The following CLN8 variants were observed in gnomAD, a reference collection of about 807,000 sequenced individuals.
CLN8 encodes CLN8 transmembrane ER and ERGIC protein.
A neutral mutation model predicts 15.7 loss-of-function variants in CLN8; 14 were observed. The observed-to-expected ratio is 0.89, with a 90% CI of 0.59 to 1.39. The LOEUF (loss-of-function observed/expected upper bound fraction) is 1.39. Among genes scored for constraint, CLN8 ranks in the 40% most tolerant of loss-of-function variants. CLN8 has a pLI of 0.00. For missense variants in CLN8, 415 were observed against 364.0 expected (o/e 1.14, Z -1.14); for synonymous variants, 188 against 151.0 (o/e 1.25, Z -1.80).
At chr8:1,774,611 G>T (rs745792831) in intron 2 of CLN8, among the ~76,000 whole-genome samples, 1 of 152,192 alleles carries the variant, frequency 6.6e-6, no homozygotes, top group African/African-American at 2.4e-5. Context: ...GTCAAGCACA[G>T]TGGCTTATTC....
In CLN8 at chr8:1,780,823, G is replaced by C; in HGVS notation, c.*256G>C. 1.8e-6 allele frequency: 1 copy of C among 558,430 alleles called. No homozygotes were observed. The highest frequency in any genetic ancestry group is 2.3e-5 in the South Asian group (1 of 44,326). The allele number at this position is 558,430 out of a possible 1,614,324, so 34.6% of individuals were successfully genotyped here. A position where few individuals can be genotyped will look rare whatever the true frequency, so the allele number is the denominator to read the frequency against. ...ACCGTGTCAAGCATCTAGGAGAGGAGTCCATGGTGTCCAGGCATCGGGGCG... is the reference window on the plus strand; with the variant it reads ...ACCGTGTCAAGCATCTAGGAGAGGACTCCATGGTGTCCAGGCATCGGGGCG... On this transcript the variant is annotated 3_prime_UTR_variant, in exon 3 of 3. Transcript: ENST00000331222.
chr8:1,778,181 C>G (rs997498535), intron 2 of CLN8, among the ~76,000 whole-genome samples: 1 of 152,180 alleles, frequency 6.6e-6, no homozygotes, highest in Non-Finnish European at 1.5e-5. Context: ...GTTTACCACC[C>G]AGACAAGGAT....
In CLN8 at chr8:1,771,127, T is replaced by C. The variant is rs750647318; in HGVS notation, c.73T>C (p.Ser25Pro). 6.2e-7 allele frequency: 1 copy of C among 1,613,904 alleles called. No homozygotes were observed. The highest frequency in any genetic ancestry group is 8.5e-7 in the Non-Finnish European group (1 of 1,180,008). Residue 25 changes from serine to proline, a missense_variant, in exon 2 of 3, where the codon TCC (serine) becomes CCC (proline). Coordinates refer to ENST00000331222, the MANE Select transcript of CLN8 (RefSeq NM_018941.4). ...GGACTATGCATCCTGGGGGATCCGC[T>C]CCACGCTGATGGTCGCTGGCTTTGT... The part of the protein sequence containing the change: ...DLDYASWGIR[S>P]TLMVAGFVFY...
intron 2 of CLN8, among the ~76,000 whole-genome samples, chr8:1,774,915 A>G (rs1471087722): frequency 2.0e-5 from 3 of 152,310 alleles, no homozygotes; most frequent in South Asian, 2.1e-4. Flanking sequence ...TGGGAGTTCA[A>G]GGTTACAGTG....
Position 1,771,336 on chromosome 8 carries a change from C to T in CLN8, c.282C>T (p.Asp94=). 1 of 1,614,218 alleles carries T rather than the reference C, an allele frequency of 6.2e-7. No individual in the cohort carries two copies. Among genetic ancestry groups the T allele is most frequent in the Non-Finnish European group, 8.5e-7 (1 of 1,180,046 alleles). Reference sequence around the variant, plus strand: ...TGGGGGACCCTGTGCTGCATGCCGACAAGGCGCGTGGCCAGCAGAACTGGT... The same window carrying T: ...TGGGGGACCCTGTGCTGCATGCCGATAAGGCGCGTGGCCAGCAGAACTGGT... ...ALLGDPVLHA[D]KARGQQNWCW... Residue 94 remains aspartate, a synonymous_variant, in exon 2 of 3, where the codon GAC becomes GAT. Coordinates refer to ENST00000331222, the MANE Select transcript of CLN8 (RefSeq NM_018941.4).
chr8:1,755,499 C>G (rs574618816), upstream of CLN8, among the ~76,000 whole-genome samples: 2 of 152,202 alleles, frequency 1.3e-5, no homozygotes, highest in East Asian at 1.9e-4. Context: ...TGCCTCCCCC[C>G]GTTCTACCCC....
chr8:1,782,865 A>G lies in CLN8; in HGVS notation c.*2298A>G, dbSNP rs1801741035. The G allele has an allele frequency of 1.3e-5, 2 of 152,296 alleles. No individual in the cohort carries two copies. Among genetic ancestry groups the G allele is most frequent in the South Asian group, 2.1e-4 (1 of 4,824 alleles). 9.4% of individuals were successfully genotyped at this position (152,296 alleles called of 1,614,324 possible). A position where few individuals can be genotyped will look rare whatever the true frequency, so the allele number is the denominator to read the frequency against. On this transcript the variant is annotated 3_prime_UTR_variant, in exon 3 of 3. Transcript: ENST00000331222. ...TTATCTCACCTCCACTAGGACTTTG[A>G]CCTTCCCAGGGGTCCACACTTTACC...
upstream of CLN8, chr8:1,762,664 G>A (rs1585122040): frequency 6.6e-6 from 1 of 152,234 alleles, no homozygotes; most frequent in African/African-American, 2.4e-5. Flanking sequence ...ATTTCAAAGA[G>A]CGTTGGTAAT....
Position 1,770,984 on chromosome 8 carries a change from C to G in CLN8, c.-71C>G. 2 of 1,461,416 alleles carry G rather than the reference C, an allele frequency of 1.4e-6. No homozygotes were observed. Among genetic ancestry groups the G allele is most frequent in the Non-Finnish European group, 9.6e-7 (1 of 1,045,768 alleles). 90.5% of individuals were successfully genotyped at this position (1,461,416 alleles called of 1,614,324 possible). A position where few individuals can be genotyped will look rare whatever the true frequency, so the allele number is the denominator to read the frequency against. On this transcript the variant is annotated 5_prime_UTR_variant, in exon 2 of 3. Transcript: ENST00000331222. ...GGGACCGCTGCACTGACTTCATTTC[C>G]TTAGACAAGACACAGTGTAGGGCCC...
At chr8:1,753,562 A>C (rs1332450785), upstream of CLN8, among the ~76,000 whole-genome samples, 47 of 80,462 alleles carry the variant, frequency 5.8e-4, no homozygotes, top group Middle Eastern at 0.017. Flanking sequence ...CAAGAGTGAA[A>C]CTGTTTCAAA....
In CLN8 at chr8:1,780,846, G is replaced by C; in HGVS notation, c.*279G>C. The C allele has an allele frequency of 1.9e-6, 1 of 524,918 alleles. No individual in the cohort carries two copies. Among genetic ancestry groups the C allele is most frequent in the South Asian group, 2.4e-5 (1 of 41,410 alleles). 32.5% of individuals were successfully genotyped at this position (524,918 alleles called of 1,614,324 possible). ...GAGTCCATGGTGTCCAGGCATCGGG[G>C]CGTCACACCTGTTGAGGAGTGGGGT... On this transcript the variant is annotated 3_prime_UTR_variant, in exon 3 of 3. Transcript: ENST00000331222.
rs146692624 is a variant in CLN8, at chr8:1,772,955, A to C, written c.543+1358A>C. ...GGTAGCCTCGAGAGGAAAAATAAGC[A>C]TAACAAATCACTCCTGCCTTCGGGG... On this transcript the variant is annotated intron_variant, in intron 2 of 2. Transcript: ENST00000331222. The C allele has an allele frequency of 8.2e-4, 328 of 398,654 alleles. 3 individuals carry two copies. The East Asian group carries it at 9.8e-3, about 12-fold the overall frequency. The allele number at this position is 398,654 out of a possible 1,614,324, so 24.7% of individuals were successfully genotyped here. A position where few individuals can be genotyped will look rare whatever the true frequency, so the allele number is the denominator to read the frequency against.
rs144015378 is a variant in CLN8, at chr8:1,771,300, G to A, written c.246G>A (p.Leu82=). ...GTGTTCAGAGCACAGCCGCAGGCCT[G>A]TGGGCTCTGCTGGGGGACCCTGTGC... is the stretch of plus-strand genomic sequence containing the variant. ...VFGVQSTAAG[L]WALLGDPVLH... The change falls in exon 2 of 3, where the codon CTG becomes CTA. Residue 82 remains leucine (L), a synonymous_variant. Transcript: ENST00000331222. The A allele has an allele frequency of 6.6e-5, 106 of 1,614,070 alleles. No homozygotes were observed. The highest frequency in any genetic ancestry group is 8.6e-5 in the Non-Finnish European group (101 of 1,180,038).
rs111723745 is a variant in CLN8, at chr8:1,777,921, G to T, written c.544-2329G>T. 6.9e-3 allele frequency among the ~76,000 whole-genome samples: 1,055 copies of T among 152,334 alleles called. 7 individuals carry two copies. The highest frequency in any genetic ancestry group is 0.011 in the Non-Finnish European group (743 of 68,034). On this transcript the variant is annotated intron_variant, in intron 2 of 2. Transcript: ENST00000331222. Reference sequence around the variant, plus strand: ...AATAGTAAATGATAGGAATTGTTCAGCTCCATTATAATCTTGTGTGGAACC... The same window carrying T: ...AATAGTAAATGATAGGAATTGTTCATCTCCATTATAATCTTGTGTGGAACC...
At chr8:1,765,138 CA>C (rs1800998365) in intron 1 of CLN8, 1 of 152,156 alleles carries the variant, frequency 6.6e-6, no homozygotes, top group Admixed American at 6.5e-5. Flanking sequence ...ACAAAGAGCA[CA>C]GGTTCTCTAG....
At chr8:1,774,319 C>A (rs996160608) in intron 2 of CLN8, among the ~76,000 whole-genome samples, 8 of 152,130 alleles carry the variant, frequency 5.3e-5, no homozygotes, top group African/African-American at 1.9e-4. Flanking sequence ...TGTATAAAGC[C>A]AACAGACCCT....
chr8:1,753,412 A>C (rs1194568446), upstream of CLN8, among the ~76,000 whole-genome samples: 1 of 151,994 alleles, frequency 6.6e-6, no homozygotes, highest in African/African-American at 2.4e-5. Context: ...CTCTACTAAA[A>C]ATACAAAAAT....
chr8:1,770,647 G>A (rs1399488712), intron 1 of CLN8, among the ~76,000 whole-genome samples: 1 of 152,160 alleles, frequency 6.6e-6, no homozygotes, highest in East Asian at 1.9e-4. Context: ...TGTGAAGGCG[G>A]GAGACTTGCT....
In CLN8 at chr8:1,785,811, G is replaced by T. The variant is rs1801818259; in HGVS notation, c.*5244G>T. ...AGATGCACGGGCTCCCTAAACCCCT[G>T]CTGTGGCTTCGGCAGTAAAGACAGG... is the stretch of plus-strand genomic sequence containing the variant. On this transcript the variant is annotated 3_prime_UTR_variant, in exon 3 of 3. Coordinates refer to ENST00000331222, the MANE Select transcript of CLN8 (RefSeq NM_018941.4). The T allele has an allele frequency of 1.2e-5, 2 of 168,148 alleles. No homozygotes were observed. Among genetic ancestry groups the T allele is most frequent in the African/African-American group, 2.4e-5 (1 of 41,760 alleles). The allele number at this position is 168,148 out of a possible 1,614,324, so 10.4% of individuals were successfully genotyped here.
Sources: allele counts gnomAD v4.1 joint callset (sites outside exome capture counted in the v4.1 genomes callset), GRCh38; gene constraint gnomAD v4.1.1; transcripts MANE v1.5; gene names NCBI Gene and HGNC (gene_info 2026-07-23, HGNC 2026-07-21).